The following XYLB variants were observed in gnomAD, a reference collection of about 807,000 sequenced individuals.
XYLB encodes xylulose kinase.
In XYLB, 62 loss-of-function variants were observed where a neutral mutation model predicts 78.7. That is an observed-to-expected ratio of 0.79 (90% CI 0.64 to 0.97). The LOEUF (loss-of-function observed/expected upper bound fraction) is 0.97. XYLB is among the 50% of genes least tolerant of loss of function. The probability of loss-of-function intolerance (pLI) is 0.00; values close to 1 mark genes in which losing one functional copy is unlikely to be tolerated. For synonymous variants in XYLB, 245 were observed against 247.4 expected (o/e 0.99, Z 0.09); for missense variants, 687 against 676.8 (o/e 1.02, Z -0.17).
At chr3:38,365,497 C>T (rs1002643201) in intron 5 of XYLB, 111 bp from the exon 6 acceptor site, 6 of 1,521,162 alleles carry the variant, frequency 3.9e-6, no homozygotes, top group East Asian at 2.3e-5. Context: ...CCAAGGTCAC[C>T]TGGGAAGAAG....
chr3:38,365,425 G>T, intron 5 of XYLB, 140 bp downstream of exon 5: 1 of 1,365,608 alleles, frequency 7.3e-7, no homozygotes. Flanking sequence ...AGGCTTTTGG[G>T]GAGAGACCCC....
At chr3:38,431,705 G>A in the XYLB span, among the ~76,000 whole-genome samples, 1 of 152,068 alleles carries the variant, frequency 6.6e-6, no homozygotes, top group Non-Finnish European at 1.5e-5. Flanking sequence ...AAGAAAAGAG[G>A]TTTAATTGAC....
chr3:38,403,531 C>G (rs909330137), intron 18 of XYLB, among the ~76,000 whole-genome samples: 2 of 152,132 alleles, frequency 1.3e-5, no homozygotes, highest in African/African-American at 4.8e-5. Flanking sequence ...AGGCAGGGAT[C>G]AGAAGGTGAC....
Position 38,392,576 on chromosome 3 carries a change from C to T in XYLB, c.1292-2929C>T, listed in dbSNP as rs551531740. 1.2e-3 allele frequency among the ~76,000 whole-genome samples: 181 copies of T among 152,204 alleles called. 3 individuals carry two copies. The South Asian group carries it at 0.034, about 29-fold the overall frequency. On this transcript the variant is annotated intron_variant, in intron 15 of 18. Transcript: ENST00000207870. Reference sequence around the variant, plus strand: ...TCTCCCAAAGTGCTGGGATTACAGGCGTGAGCCACCGTGCCTGGCCAATTA... The same window carrying T: ...TCTCCCAAAGTGCTGGGATTACAGGTGTGAGCCACCGTGCCTGGCCAATTA...
intron 15 of XYLB, among the ~76,000 whole-genome samples, chr3:38,380,304 G>A (rs1484328776): frequency 5.3e-5 from 8 of 152,158 alleles, no homozygotes. Context: ...AGGAGAAAGG[G>A]ATTTCTGACA....
chr3:38,408,103 A>C (rs1161376126), intron 18 of XYLB, among the ~76,000 whole-genome samples: 1 of 151,282 alleles, frequency 6.6e-6, no homozygotes, highest in African/African-American at 2.4e-5. Context: ...ACCACACCAC[A>C]CCTATTCCAA....
At chr3:38,421,876 C>T (rs770242791), downstream of XYLB, among the ~76,000 whole-genome samples, 17 of 152,230 alleles carry the variant, frequency 1.1e-4, no homozygotes, top group South Asian at 1.7e-3. Context: ...GGACACTGGG[C>T]GAAAAGTAGT....
intron 17 of XYLB, among the ~76,000 whole-genome samples, chr3:38,399,953 G>A (rs780296543): frequency 6.6e-5 from 10 of 152,176 alleles, no homozygotes; most frequent in Non-Finnish European, 1.2e-4. Context: ...TTTCTCTGCT[G>A]TCCACCCCAC....
intron 2 of XYLB, among the ~76,000 whole-genome samples, chr3:38,350,845 A>G (rs1705318246): frequency 6.6e-6 from 1 of 151,898 alleles, no homozygotes; most frequent in Admixed American, 6.6e-5. Context: ...TGGGTTATTT[A>G]GAAGAATGTT....
At chr3:38,386,370 G>A (rs959224526) in intron 15 of XYLB, among the ~76,000 whole-genome samples, 1 of 152,032 alleles carries the variant, frequency 6.6e-6, no homozygotes, top group East Asian at 1.9e-4. Context: ...AGGTAGACAG[G>A]CAATAAATAT....
the XYLB span, among the ~76,000 whole-genome samples, chr3:38,448,504 T>C: frequency 1.3e-5 from 2 of 152,256 alleles, no homozygotes; most frequent in African/African-American, 2.4e-5. Context: ...CCATTATCTC[T>C]GTCACTTCTG....
chr3:38,347,663 G>A (rs1434128574), intron 1 of XYLB, among the ~76,000 whole-genome samples: 1 of 151,930 alleles, frequency 6.6e-6, no homozygotes, highest in Non-Finnish European at 1.5e-5. Context: ...GCGACAGAAC[G>A]GGACCCTGTC....
intron 18 of XYLB, among the ~76,000 whole-genome samples, chr3:38,409,949 C>T (rs149288172): frequency 6.6e-6 from 1 of 152,118 alleles, no homozygotes; most frequent in Non-Finnish European, 1.5e-5. Flanking sequence ...ACGAAAATGG[C>T]CATACTGCCC....
At position 38,376,189 on chromosome 3, in the gene XYLB, T is replaced by C. The variant is rs371725106; in HGVS notation, c.1077T>C (p.Ser359=). 1 of 1,614,112 alleles carries C rather than the reference T, an allele frequency of 6.2e-7. No homozygotes were observed. The highest frequency in any genetic ancestry group is 8.5e-7 in the Non-Finnish European group (1 of 1,179,936). ...TATCCCGTTCCTGGAGCGATTTCTCTAAGGCACTGCAGTCCACAGAGATGG... is the reference window on the plus strand; with the variant it reads ...TATCCCGTTCCTGGAGCGATTTCTCCAAGGCACTGCAGTCCACAGAGATGG... ...ESVSRSWSDF[S]KALQSTEMGN... is the part of the protein sequence containing the mutation. The change falls in exon 13 of 19, where the codon TCT becomes TCC. Residue 359 remains serine (S), a synonymous_variant. Transcript: ENST00000207870.
chr3:38,433,782 C>T, the XYLB span, among the ~76,000 whole-genome samples: 4 of 152,198 alleles, frequency 2.6e-5, no homozygotes, highest in Admixed American at 2.6e-4. Context: ...AACTTTCCCA[C>T]ATTTTCGTGT....
intron 18 of XYLB, among the ~76,000 whole-genome samples, chr3:38,408,015 A>T (rs1708402070): frequency 1.3e-5 from 2 of 152,168 alleles, no homozygotes; most frequent in South Asian, 4.1e-4. Context: ...AATTGAACTC[A>T]GCTCTGCACC....
the XYLB span, among the ~76,000 whole-genome samples, chr3:38,435,163 A>C: frequency 4.8e-4 from 73 of 152,222 alleles, no homozygotes; most frequent in Non-Finnish European, 5.7e-4. Context: ...AAAGATGATC[A>C]AACTGTATGT....
intron 15 of XYLB, among the ~76,000 whole-genome samples, chr3:38,390,331 A>C (rs915640611): frequency 4.6e-5 from 7 of 152,002 alleles, no homozygotes; most frequent in Non-Finnish European, 1.0e-4. Context: ...CTCCTACCTC[A>C]GCCTCCTGAG....
intron 4 of XYLB, among the ~76,000 whole-genome samples, chr3:38,364,681 G>T (rs1158926979): frequency 6.6e-6 from 1 of 150,698 alleles, no homozygotes; most frequent in East Asian, 2.0e-4. Flanking sequence ...AGTTGGTTAG[G>T]TGCCTCTGTT....
Sources: allele counts gnomAD v4.1 joint callset (sites outside exome capture counted in the v4.1 genomes callset), GRCh38; gene constraint gnomAD v4.1.1; transcripts MANE v1.5; gene names NCBI Gene and HGNC (gene_info 2026-07-23, HGNC 2026-07-21).